TAOK3: variants seen among roughly 807,000 people sequenced by gnomAD.
The protein encoded by TAOK3 is serine/threonine-protein kinase TAO3.
A neutral mutation model predicts 120.4 loss-of-function variants in TAOK3; 40 were observed. That is an observed-to-expected ratio of 0.33 (90% confidence interval 0.26 to 0.43). The LOEUF (loss-of-function observed/expected upper bound fraction) is 0.43. TAOK3 is among the 20% of genes least tolerant of loss of function. The pLI, the probability that TAOK3 is intolerant of heterozygous loss-of-function variation, is 1.00. For synonymous variants in TAOK3, 355 were observed against 387.5 expected (o/e 0.92, Z 0.99); for missense variants, 821 against 1,112.1 (o/e 0.74, Z 3.72).
intron 1 of TAOK3, among the ~76,000 whole-genome samples, chr12:118,271,116 T>TA (rs2041683107): frequency 6.6e-6 from 1 of 152,212 alleles, no homozygotes; most frequent in Non-Finnish European, 1.5e-5. Flanking sequence ...TTAATCATTG[T>TA]AACCCCTGAT....
chr12:118,247,002 G>GA (rs1056963316), intron 3 of TAOK3: 578 of 903,364 alleles, frequency 6.4e-4, no homozygotes, highest in Middle Eastern at 1.0e-3. Context: ...AATTAAGCGT[G>GA]AAAAAAAAAT....
intron 13 of TAOK3, among the ~76,000 whole-genome samples, chr12:118,191,273 G>T (rs1821742779): frequency 6.6e-6 from 1 of 152,036 alleles, no homozygotes; most frequent in African/African-American, 2.4e-5. Flanking sequence ...GATGTATTGG[G>T]AAGGTATCTA....
chr12:118,335,791 T>C (rs1206997742), intron 1 of TAOK3, among the ~76,000 whole-genome samples: 2 of 152,196 alleles, frequency 1.3e-5, no homozygotes, highest in Non-Finnish European at 2.9e-5. Flanking sequence ...ATGGTGCCAC[T>C]GCACTCCAGT....
chr12:118,219,136 T>C (rs2039093135), intron 9 of TAOK3, among the ~76,000 whole-genome samples: 1 of 152,116 alleles, frequency 6.6e-6, no homozygotes, highest in Non-Finnish European at 1.5e-5. Flanking sequence ...TTTCCCTCTC[T>C]CATGCTTTAC....
intron 14 of TAOK3, among the ~76,000 whole-genome samples, chr12:118,184,443 A>C (rs11068864): frequency 0.053 from 8,141 of 152,254 alleles, 428 homozygotes; most frequent in East Asian, 0.23. Flanking sequence ...TAAAATAAAA[A>C]ATAATAGCTG....
chr12:118,194,105 G>A lies in TAOK3; in HGVS notation c.1195-4164C>T, dbSNP rs191119785. Reference sequence around the variant, plus strand: ...TGCCACTCTGTACTCTAAGGAAGTCGTAAAATAGTGACACACACATAAGCA... The same window carrying A: ...TGCCACTCTGTACTCTAAGGAAGTCATAAAATAGTGACACACACATAAGCA... On this transcript the variant is annotated intron_variant, in intron 13 of 20. Coordinates refer to ENST00000392533, the MANE Select transcript of TAOK3 (RefSeq NM_016281.4). 4.7e-4 allele frequency among the ~76,000 whole-genome samples: 71 copies of A among 152,226 alleles called. 1 individual carries two copies. The East Asian group carries it at 0.012, about 26-fold the overall frequency.
intron 6 of TAOK3, among the ~76,000 whole-genome samples, chr12:118,238,410 G>A (rs1286006243): frequency 2.6e-5 from 4 of 152,108 alleles, no homozygotes; most frequent in Non-Finnish European, 5.9e-5. Flanking sequence ...CTTAAATGAT[G>A]CATTGTTAAT....
chr12:118,228,278 A>G (rs1384566900), intron 9 of TAOK3, among the ~76,000 whole-genome samples: 1 of 151,462 alleles, frequency 6.6e-6, no homozygotes, highest in African/African-American at 2.4e-5. Flanking sequence ...CAGCTTCCCA[A>G]GTAGCTGGGA....
chr12:118,265,337 T>C, intron 2 of TAOK3, among the ~76,000 whole-genome samples: 1 of 142,478 alleles, frequency 7.0e-6, no homozygotes, highest in Non-Finnish European at 1.5e-5. Context: ...TGTAGTGAGC[T>C]GAGATCATGC....
At chr12:118,281,851 A>G (rs1566059210) in intron 1 of TAOK3, among the ~76,000 whole-genome samples, 1 of 152,164 alleles carries the variant, frequency 6.6e-6, no homozygotes, top group Admixed American at 6.5e-5. Context: ...TAAGAGAGAG[A>G]CAGGAGTCTA....
intron 1 of TAOK3, among the ~76,000 whole-genome samples, chr12:118,361,919 A>G (rs1157365590): frequency 6.6e-6 from 1 of 151,964 alleles, no homozygotes; most frequent in Non-Finnish European, 1.5e-5. Context: ...AATAAAAATA[A>G]TAATAATAAA....
At chr12:118,320,631 C>A (rs1361952358) in intron 1 of TAOK3, among the ~76,000 whole-genome samples, 2 of 151,974 alleles carry the variant, frequency 1.3e-5, no homozygotes, top group East Asian at 3.9e-4. Flanking sequence ...GCTATTGAGA[C>A]CAGGGCTATT....
At chr12:118,249,758 A>G (rs746374228) in intron 3 of TAOK3, among the ~76,000 whole-genome samples, 2 of 152,000 alleles carry the variant, frequency 1.3e-5, no homozygotes, top group Non-Finnish European at 2.9e-5. Context: ...CTTGAGTCCA[A>G]GGGTTCAAGG....
chr12:118,288,308 C>A (rs2042337037), intron 1 of TAOK3, among the ~76,000 whole-genome samples: 1 of 152,060 alleles, frequency 6.6e-6, no homozygotes, highest in Admixed American at 6.6e-5. Flanking sequence ...TATGTAGAAA[C>A]TGGAACCCTC....
At chr12:118,235,830 C>T in intron 7 of TAOK3, 159 bp from the exon 8 acceptor site, 1 of 563,216 alleles carries the variant, frequency 1.8e-6, no homozygotes, top group Non-Finnish European at 3.1e-6. Context: ...TTAGTAATTA[C>T]TGCATGTTGT....
intron 1 of TAOK3, among the ~76,000 whole-genome samples, chr12:118,364,939 C>T (rs1299272488): frequency 6.6e-6 from 1 of 152,150 alleles, no homozygotes; most frequent in Non-Finnish European, 1.5e-5. Context: ...TAAGCACTTC[C>T]TATGTGTCAC....
At chr12:118,159,135 A>G (rs2035039764) in intron 19 of TAOK3, among the ~76,000 whole-genome samples, 1 of 151,892 alleles carries the variant, frequency 6.6e-6, no homozygotes, top group South Asian at 2.1e-4. Context: ...TTCTGTCTCC[A>G]TATATTTTCC....
intron 1 of TAOK3, among the ~76,000 whole-genome samples, chr12:118,306,634 T>C (rs1237530985): frequency 6.6e-6 from 1 of 152,246 alleles, no homozygotes; most frequent in Admixed American, 6.5e-5. Context: ...GATCTGTCCT[T>C]ACTTTTATTT....
intron 14 of TAOK3, 38 bp downstream of exon 14, chr12:118,189,769 G>A: frequency 1.2e-6 from 2 of 1,611,950 alleles, no homozygotes; most frequent in Non-Finnish European, 1.7e-6. Context: ...GGGGAGGAGG[G>A]GAAGGAAGGG....
Sources: gnomAD v4.1 joint callset for allele counts (sites outside exome capture counted in the v4.1 genomes callset) on GRCh38, gnomAD v4.1.1 for gene constraint, MANE v1.5 for transcripts, NCBI Gene and HGNC (gene_info 2026-07-23, HGNC 2026-07-21) for gene names.